Variants in PPP4R4 observed in about 807,000 individuals in gnomAD.
PPP4R4 encodes the protein protein phosphatase 4 regulatory subunit 4.
In PPP4R4, 70 loss-of-function variants were observed where a neutral mutation model predicts 121.8. The ratio of observed to expected loss-of-function variants is 0.57; its 90% CI spans 0.47 to 0.70. The LOEUF is 0.70. PPP4R4 is among the 30% of genes least tolerant of loss of function. The pLI, the probability that PPP4R4 is intolerant of heterozygous loss-of-function variation, is 0.00. For synonymous variants in PPP4R4, 348 were observed against 355.7 expected, an observed-to-expected ratio of 0.98 and a Z score of 0.24; for missense variants, 875 against 1,033.6, an observed-to-expected ratio of 0.85 and a Z score of 2.10.
intron 2 of PPP4R4, among the ~76,000 whole-genome samples, chr14:94,179,324 A>G (rs181674767): frequency 6.6e-6 from 1 of 152,328 alleles, no homozygotes; most frequent in Admixed American, 6.5e-5. Context: ...CATACAGTAT[A>G]TGGCCTTTTG....
rs569836835 is a variant in PPP4R4 at position 94,241,891 on chromosome 14, A to T, written c.1080A>T (p.Pro360=). The part of the protein sequence containing the change: ...QENGHNENQI[P]PQILEQEKKY... Reference sequence around the variant, plus strand: ...ATGGACACAATGAAAACCAGATTCCACCCCAAATCCTAGAGCAGGAGAAGA... The same window carrying T: ...ATGGACACAATGAAAACCAGATTCCTCCCCAAATCCTAGAGCAGGAGAAGA... Residue 360 remains proline (P), a synonymous_variant, in exon 10 of 25, where the codon CCA becomes CCT. Transcript: ENST00000304338. 6.2e-7 allele frequency: 1 copy of T among 1,611,142 alleles called. No individual in the cohort carries two copies. The highest frequency in any genetic ancestry group is 2.2e-5 in the East Asian group (1 of 44,702).
At chr14:94,188,813 T>G (rs750117114) in intron 2 of PPP4R4, among the ~76,000 whole-genome samples, 1 of 152,168 alleles carries the variant, frequency 6.6e-6, no homozygotes, top group Non-Finnish European at 1.5e-5. Context: ...TGTATACATA[T>G]AGCAAAATAT....
chr14:94,277,616 T>C (rs1265482084), intron 24 of PPP4R4, among the ~76,000 whole-genome samples: 2 of 152,208 alleles, frequency 1.3e-5, no homozygotes, highest in Non-Finnish European at 2.9e-5. Flanking sequence ...GCTATATTTT[T>C]CTAAATGCCA....
intron 19 of PPP4R4, among the ~76,000 whole-genome samples, chr14:94,262,030 A>C (rs1239334898): frequency 6.6e-6 from 1 of 151,902 alleles, no homozygotes; most frequent in Non-Finnish European, 1.5e-5. Context: ...TTGGGATTAG[A>C]TTTGGTATTA....
At chr14:94,194,306 T>C (rs1420614928) in intron 2 of PPP4R4, among the ~76,000 whole-genome samples, 1 of 152,196 alleles carries the variant, frequency 6.6e-6, no homozygotes, top group Non-Finnish European at 1.5e-5. Flanking sequence ...GGGCTTGTGT[T>C]CATTTTGTTT....
chr14:94,243,103 A>G (rs1204606070), intron 11 of PPP4R4, among the ~76,000 whole-genome samples: 2 of 152,110 alleles, frequency 1.3e-5, no homozygotes, highest in Admixed American at 6.5e-5. Context: ...CTGTGTTCCT[A>G]TGTCAGAGCA....
intron 2 of PPP4R4, among the ~76,000 whole-genome samples, chr14:94,197,722 CT>C (rs2139421014): frequency 6.6e-6 from 1 of 152,290 alleles, no homozygotes; most frequent in African/African-American, 2.4e-5. Context: ...AGCTTTCATT[CT>C]CCTTTCCTCA....
chr14:94,274,348 C>T (rs1673842848), intron 23 of PPP4R4, among the ~76,000 whole-genome samples: 1 of 151,626 alleles, frequency 6.6e-6, no homozygotes. Flanking sequence ...AAATAAAAGG[C>T]AAGGCATAGA....
chr14:94,248,278 C>T (rs557827983), intron 14 of PPP4R4, among the ~76,000 whole-genome samples: 19 of 152,218 alleles, frequency 1.2e-4, no homozygotes, highest in African/African-American at 4.6e-4. Context: ...AATGTTCAAG[C>T]TGAGAGCCAA....
At chr14:94,252,313 T>C (rs1372724518) in intron 16 of PPP4R4, among the ~76,000 whole-genome samples, 2 of 152,208 alleles carry the variant, frequency 1.3e-5, no homozygotes, top group African/African-American at 2.4e-5. Flanking sequence ...GAAGTAGAAC[T>C]GCTTCAAAGT....
At chr14:94,200,859 T>C (rs1404594975) in intron 2 of PPP4R4, among the ~76,000 whole-genome samples, 2 of 152,078 alleles carry the variant, frequency 1.3e-5, no homozygotes, top group Non-Finnish European at 2.9e-5. Flanking sequence ...GTTACTTCTT[T>C]TCTTCTGCTG....
intron 23 of PPP4R4, among the ~76,000 whole-genome samples, chr14:94,273,496 A>G (rs1024982801): frequency 5.9e-5 from 9 of 152,150 alleles, no homozygotes; most frequent in Admixed American, 5.9e-4. Context: ...GATAATTTTT[A>G]GGGCAGTGAA....
chr14:94,250,042 GTAAGTT>G (rs1474080290), intron 14 of PPP4R4, 124 bp from the exon 15 acceptor site: 15 of 597,064 alleles, frequency 2.5e-5, no homozygotes, highest in Non-Finnish European at 3.9e-5. Context: ...CCAGAAGGAT[GTAAGTT>G]CAGTGAGTTG....
At chr14:94,230,208 TTGTC>T (rs1891941254) in intron 3 of PPP4R4, among the ~76,000 whole-genome samples, 2 of 152,214 alleles carry the variant, frequency 1.3e-5, no homozygotes, top group Non-Finnish European at 2.9e-5. Flanking sequence ...ACACATGTGA[TTGTC>T]TGAGCTTTGA....
chr14:94,178,109 T>C (rs952100746), intron 2 of PPP4R4, among the ~76,000 whole-genome samples: 1 of 152,180 alleles, frequency 6.6e-6, no homozygotes, highest in African/African-American at 2.4e-5. Context: ...CTTTCTTCCC[T>C]GGGATTCAGG....
At chr14:94,248,745 G>A (rs1053683730) in intron 14 of PPP4R4, among the ~76,000 whole-genome samples, 2 of 152,006 alleles carry the variant, frequency 1.3e-5, no homozygotes, top group Non-Finnish European at 2.9e-5. Context: ...TTTAATGGTG[G>A]CATTCTGTGA....
At chr14:94,267,089 T>A in intron 23 of PPP4R4, 60 bp downstream of exon 23, 1 of 1,158,156 alleles carries the variant, frequency 8.6e-7, no homozygotes, top group Non-Finnish European at 1.3e-6. Context: ...TTATTTTCCT[T>A]AAATGACCTA....
At chr14:94,177,412 G>A (rs1888739138) in intron 2 of PPP4R4, among the ~76,000 whole-genome samples, 1 of 152,140 alleles carries the variant, frequency 6.6e-6, no homozygotes, top group African/African-American at 2.4e-5. Flanking sequence ...TTCATATTGT[G>A]TTATATTTGG....
At chr14:94,232,175 A>G (rs1892074904) in intron 5 of PPP4R4, among the ~76,000 whole-genome samples, 1 of 152,230 alleles carries the variant, frequency 6.6e-6, no homozygotes, top group Non-Finnish European at 1.5e-5. Flanking sequence ...CAATGACAGA[A>G]GAAGAAAAAT....
Sources: allele counts gnomAD v4.1 joint callset (sites outside exome capture counted in the v4.1 genomes callset), GRCh38; gene constraint gnomAD v4.1.1; transcripts MANE v1.5; gene names NCBI Gene and HGNC (gene_info 2026-07-23, HGNC 2026-07-21).